Variants in CCSER1 observed in about 807,000 individuals in gnomAD.
CCSER1 encodes the protein serine-rich coiled-coil domain-containing protein 1.
In CCSER1, 41 loss-of-function variants were observed where a neutral mutation model predicts 82.0. The ratio of observed to expected loss-of-function variants is 0.50; its 90% confidence interval spans 0.39 to 0.65. The LOEUF is 0.65. CCSER1 is among the 30% of genes least tolerant of loss of function. The pLI is 0.00. For missense variants in CCSER1, 1,119 were observed against 1,064.2 expected (o/e 1.05, Z -0.72); for synonymous variants, 414 against 383.9 (o/e 1.08, Z -0.92).
intron 10 of CCSER1, among the ~76,000 whole-genome samples, chr4:91,457,944 CTGA>C (rs1209614124): frequency 6.6e-6 from 1 of 151,978 alleles, no homozygotes; most frequent in Non-Finnish European, 1.5e-5. Context: ...AGACTATGAA[CTGA>C]TGTGTTATTT....
intron 10 of CCSER1, among the ~76,000 whole-genome samples, chr4:91,542,239 C>T (rs1470540746): frequency 6.6e-6 from 1 of 152,104 alleles, no homozygotes; most frequent in Admixed American, 6.6e-5. Context: ...TTAATTAGAT[C>T]TCATTTGTTA....
At chr4:90,289,216 A>G (rs543101221) in intron 1 of CCSER1, among the ~76,000 whole-genome samples, 18 of 151,988 alleles carry the variant, frequency 1.2e-4, no homozygotes, top group African/African-American at 2.9e-4. Flanking sequence ...TAAATCAAAT[A>G]AGCTAAATAT....
At chr4:90,626,035 GCTAA>G (rs753726678) in intron 5 of CCSER1, among the ~76,000 whole-genome samples, 12 of 152,214 alleles carry the variant, frequency 7.9e-5, no homozygotes, top group African/African-American at 1.2e-4. Context: ...GAGCCAGCAC[GCTAA>G]CTAACAGGAA....
intron 3 of CCSER1, among the ~76,000 whole-genome samples, chr4:90,335,582 G>A (rs1229672989): frequency 6.6e-6 from 1 of 151,800 alleles, no homozygotes; most frequent in Non-Finnish European, 1.5e-5. Flanking sequence ...TTCTTTTTTA[G>A]CCCTATGAAA....
intron 8 of CCSER1, among the ~76,000 whole-genome samples, chr4:90,857,189 T>A (rs1764556982): frequency 6.6e-6 from 1 of 152,094 alleles, no homozygotes; most frequent in Non-Finnish European, 1.5e-5. Context: ...CTGAGTCCTT[T>A]GGCTCAGCAT....
At chr4:91,478,642 G>A (rs1408013380) in intron 10 of CCSER1, among the ~76,000 whole-genome samples, 1 of 151,884 alleles carries the variant, frequency 6.6e-6, no homozygotes, top group African/African-American at 2.4e-5. Context: ...GCAAAAAAGT[G>A]TAGTTAAACA....
intron 7 of CCSER1, among the ~76,000 whole-genome samples, chr4:90,801,219 T>C (rs1756762902): frequency 6.6e-6 from 1 of 152,174 alleles, no homozygotes; most frequent in Non-Finnish European, 1.5e-5. Flanking sequence ...TGATGAACAC[T>C]TTCTTGGTAT....
intron 8 of CCSER1, among the ~76,000 whole-genome samples, chr4:90,867,075 T>A (rs1289899848): frequency 6.6e-6 from 1 of 151,972 alleles, no homozygotes; most frequent in Non-Finnish European, 1.5e-5. Context: ...ATTAGCTGAA[T>A]TACTTCTATT....
At chr4:91,359,946 G>A (rs779214529) in intron 10 of CCSER1, among the ~76,000 whole-genome samples, 2 of 151,704 alleles carry the variant, frequency 1.3e-5, no homozygotes, top group Admixed American at 1.3e-4. Flanking sequence ...TTTTATTTTG[G>A]CAAACAGATA....
chr4:91,356,204 G>T (rs1344293665), intron 10 of CCSER1, among the ~76,000 whole-genome samples: 1 of 152,208 alleles, frequency 6.6e-6, no homozygotes. Flanking sequence ...CTACAGTCTG[G>T]GTTAAAACTC....
At chr4:91,169,379 G>C (rs925968757) in intron 10 of CCSER1, among the ~76,000 whole-genome samples, 3 of 152,042 alleles carry the variant, frequency 2.0e-5, no homozygotes, top group Admixed American at 6.5e-5. Context: ...CCAGCACTTT[G>C]GGAGGCCGAG....
intron 5 of CCSER1, among the ~76,000 whole-genome samples, chr4:90,541,097 A>G (rs1383424937): frequency 6.6e-6 from 1 of 152,038 alleles, no homozygotes; most frequent in Non-Finnish European, 1.5e-5. Context: ...TACTGGCTTT[A>G]CTTCTTTCAT....
chr4:91,484,308 A>G (rs1451844177), intron 10 of CCSER1, among the ~76,000 whole-genome samples: 2 of 152,112 alleles, frequency 1.3e-5, no homozygotes, highest in Non-Finnish European at 2.9e-5. Flanking sequence ...ACTTCTTTAC[A>G]TATTCCATGT....
At chr4:91,242,871 G>A (rs957962059) in intron 10 of CCSER1, among the ~76,000 whole-genome samples, 10 of 152,254 alleles carry the variant, frequency 6.6e-5, no homozygotes, top group Admixed American at 1.3e-4. Flanking sequence ...AGAAGCCTAC[G>A]TTGTTTGTCC....
intron 8 of CCSER1, among the ~76,000 whole-genome samples, chr4:90,848,422 A>G (rs1257936079): frequency 1.3e-5 from 2 of 152,358 alleles, no homozygotes; most frequent in African/African-American, 2.4e-5. Context: ...TAAATATCTT[A>G]TAAGTAAATT....
At chr4:91,039,768 C>T (rs952949766) in intron 9 of CCSER1, among the ~76,000 whole-genome samples, 3 of 151,078 alleles carry the variant, frequency 2.0e-5, no homozygotes, top group African/African-American at 7.3e-5. Context: ...ATATAATATC[C>T]ACGTATGTGA....
intron 10 of CCSER1, among the ~76,000 whole-genome samples, chr4:91,192,335 A>G: frequency 6.6e-6 from 1 of 152,190 alleles, no homozygotes; most frequent in East Asian, 1.9e-4. Context: ...TCAGATTTCC[A>G]ACATCAAATC....
chr4:91,296,396 A>G (rs2149228051), intron 10 of CCSER1, among the ~76,000 whole-genome samples: 1 of 148,106 alleles, frequency 6.8e-6, no homozygotes, highest in Admixed American at 6.8e-5. Flanking sequence ...TACAGTGTAT[A>G]AAAGCATAGT....
rs150539156 is a variant in CCSER1, at chr4:90,340,838, C to T, written c.1509+27791C>T. 2.0e-5 allele frequency among the ~76,000 whole-genome samples: 3 copies of T among 152,078 alleles called. No individual in the cohort carries two copies. In the East Asian group the frequency reaches 5.8e-4, roughly 29 times the overall value. ...TTATCCATTTCAGTTATCGATGATC[C>T]AGCCCAGTGGCATTTGTCAAAATGA... On this transcript the variant is annotated intron_variant, in intron 3 of 10. Coordinates refer to ENST00000509176, the MANE Select transcript of CCSER1 (RefSeq NM_001145065.2).
Sources: gnomAD v4.1 joint callset for allele counts (sites outside exome capture counted in the v4.1 genomes callset) on GRCh38, gnomAD v4.1.1 for gene constraint, MANE v1.5 for transcripts, NCBI Gene and HGNC (gene_info 2026-07-23, HGNC 2026-07-21) for gene names.